Variants in PTPRD observed in about 807,000 individuals in gnomAD.
The protein encoded by PTPRD is receptor-type tyrosine-protein phosphatase delta.
Under a neutral mutation model 214.5 loss-of-function variants are expected in PTPRD, and 34 were observed. The ratio of observed to expected loss-of-function variants is 0.16; its 90% CI spans 0.12 to 0.21. The LOEUF (loss-of-function observed/expected upper bound fraction) is 0.21. Among genes scored for constraint, PTPRD ranks in the 10% least tolerant of loss-of-function variants. PTPRD has a pLI of 1.00. For synonymous variants in PTPRD, 1,128 were observed against 845.7 expected, an observed-to-expected ratio of 1.33 and a Z score of -5.79; for missense variants, 2,545 against 2,398.7, an observed-to-expected ratio of 1.06 and a Z score of -1.27.
rs941961972 is a variant in PTPRD at position 10,094,343 on chromosome 9, A to T, written c.-544-60553T>A. On this transcript the variant is annotated intron_variant, in intron 3 of 45. Coordinates refer to ENST00000381196, the MANE Select transcript of PTPRD (RefSeq NM_002839.4). ...GTCACTGGATGTTGAATGAGAAGAG[A>T]ATGTCCTTAATATAAATTTGACATG... Among the ~76,000 whole-genome samples the T allele has an allele frequency of 2.0e-5, 3 of 151,292 alleles. No individual in the cohort carries two copies. The South Asian group carries it at 6.2e-4, about 31-fold the overall frequency.
chr9:8,855,553 G>C (rs960692916), intron 11 of PTPRD, among the ~76,000 whole-genome samples: 2 of 152,116 alleles, frequency 1.3e-5, no homozygotes, highest in African/African-American at 4.8e-5. Context: ...ATATTTGAGA[G>C]AGACAGTGTT....
chr9:10,547,089 T>C (rs1381613821), intron 2 of PTPRD, among the ~76,000 whole-genome samples: 1 of 152,076 alleles, frequency 6.6e-6, no homozygotes, highest in Non-Finnish European at 1.5e-5. Context: ...AAGTGTAGGC[T>C]AACAAATAAA....
At chr9:9,616,998 C>G (rs75627289) in intron 7 of PTPRD, among the ~76,000 whole-genome samples, 2,363 of 152,116 alleles carry the variant, frequency 0.016, 64 homozygotes, top group African/African-American at 0.054. Flanking sequence ...AAATTCCTTC[C>G]TGTATAAAGC....
chr9:9,475,380 G>A (rs533902596), intron 8 of PTPRD, among the ~76,000 whole-genome samples: 13 of 152,208 alleles, frequency 8.5e-5, no homozygotes, highest in Admixed American at 3.3e-4. Flanking sequence ...TAACCCTATG[G>A]CACTAACAGC....
chr9:10,049,398 T>TAA (rs754430055), intron 3 of PTPRD, among the ~76,000 whole-genome samples: 1 of 68,190 alleles, frequency 1.5e-5, no homozygotes, highest in South Asian at 5.3e-4. Context: ...CTTCTCTGGT[T>TAA]AAAAAAAAAA....
intron 10 of PTPRD, among the ~76,000 whole-genome samples, chr9:9,129,417 T>A (rs370640727): frequency 6.6e-6 from 1 of 151,992 alleles, no homozygotes; most frequent in African/African-American, 2.4e-5. Flanking sequence ...GAGAATTAAA[T>A]ATTCGATTCG....
chr9:10,482,215 C>CA lies in PTPRD; in HGVS notation c.-600+130182dup, dbSNP rs1044761096. Reference sequence around the variant, plus strand: ...TGAAACCCCATCTCTACTAAAAATACAAAAAATTAGCCGGGCGTGGTGGCG... The same window carrying CA: ...TGAAACCCCATCTCTACTAAAAATACAAAAAAATTAGCCGGGCGTGGTGGCG... On this transcript the variant is annotated intron_variant, in intron 2 of 45. Coordinates refer to ENST00000381196, the MANE Select transcript of PTPRD (RefSeq NM_002839.4). Among the ~76,000 whole-genome samples the CA allele has an allele frequency of 1.3e-4, 20 of 151,644 alleles. No homozygotes were observed. The East Asian group carries it at 1.8e-3, about 13-fold the overall frequency.
At position 10,049,802 on chromosome 9, in the gene PTPRD, T is replaced by C. The variant is rs560918218; in HGVS notation, c.-544-16012A>G. Among the ~76,000 whole-genome samples, 8 of 152,300 alleles carry C rather than the reference T, an allele frequency of 5.3e-5. No homozygotes were observed. The South Asian group carries it at 1.5e-3, about 28-fold the overall frequency. On this transcript the variant is annotated intron_variant, in intron 3 of 45. Coordinates refer to ENST00000381196, the MANE Select transcript of PTPRD (RefSeq NM_002839.4). ...CAACTTCATGCTTGATGAGTAGAAA[T>C]GCTTGTAGGCCAAGTCCTTGTACTT...
At chr9:10,081,735 A>G (rs2098241484) in intron 3 of PTPRD, among the ~76,000 whole-genome samples, 1 of 152,124 alleles carries the variant, frequency 6.6e-6, no homozygotes, top group African/African-American at 2.4e-5. Flanking sequence ...TATTTTTGAT[A>G]TAAGGAAATA....
At chr9:9,789,770 C>G (rs1475450155) in intron 5 of PTPRD, among the ~76,000 whole-genome samples, 2 of 128,440 alleles carry the variant, frequency 1.6e-5, no homozygotes, top group Non-Finnish European at 3.1e-5. Flanking sequence ...GCACTCCAGC[C>G]TGGGCAACAG....
chr9:9,518,283 T>C (rs971527389), intron 8 of PTPRD, among the ~76,000 whole-genome samples: 2 of 152,100 alleles, frequency 1.3e-5, no homozygotes, highest in African/African-American at 2.4e-5. Context: ...AACTTTATCC[T>C]TAACATGATG....
At chr9:8,461,972 T>C (rs190892100) in intron 32 of PTPRD, among the ~76,000 whole-genome samples, 7 of 152,032 alleles carry the variant, frequency 4.6e-5, no homozygotes, top group Admixed American at 4.6e-4. Flanking sequence ...TCTTAAGTTC[T>C]ATTCTCTACT....
intron 3 of PTPRD, among the ~76,000 whole-genome samples, chr9:10,053,147 C>G (rs1775537672): frequency 6.6e-6 from 1 of 152,034 alleles, no homozygotes; most frequent in Non-Finnish European, 1.5e-5. Flanking sequence ...ACATGAAATT[C>G]CAGAAAGATT....
At chr9:10,162,470 A>T (rs2099133055) in intron 3 of PTPRD, among the ~76,000 whole-genome samples, 1 of 150,812 alleles carries the variant, frequency 6.6e-6, no homozygotes, top group South Asian at 2.1e-4. Flanking sequence ...ACATATTCTC[A>T]CTCCTATGTG....
intron 12 of PTPRD, among the ~76,000 whole-genome samples, chr9:8,639,598 T>C (rs1014522263): frequency 6.6e-6 from 1 of 152,230 alleles, no homozygotes; most frequent in Non-Finnish European, 1.5e-5. Context: ...GGATACCCTT[T>C]TCCCTGCATC....
At chr9:10,181,661 C>T (rs140452192) in intron 3 of PTPRD, among the ~76,000 whole-genome samples, 212 of 151,712 alleles carry the variant, frequency 1.4e-3, no homozygotes, top group African/African-American at 4.7e-3. Flanking sequence ...TATCATTGTA[C>T]TTCTGCAGTT....
intron 14 of PTPRD, among the ~76,000 whole-genome samples, chr9:8,624,713 G>C (rs2095955897): frequency 6.6e-6 from 1 of 151,802 alleles, no homozygotes; most frequent in Non-Finnish European, 1.5e-5. Context: ...TCAGACTTGA[G>C]TAATGTGTCT....
At chr9:8,441,842 G>A (rs1369808946) in intron 34 of PTPRD, among the ~76,000 whole-genome samples, 1 of 152,100 alleles carries the variant, frequency 6.6e-6, no homozygotes, top group African/African-American at 2.4e-5. Flanking sequence ...GCTACATGAG[G>A]AATCTGATCC....
intron 34 of PTPRD, among the ~76,000 whole-genome samples, chr9:8,441,368 G>C (rs1423302419): frequency 6.6e-6 from 1 of 152,092 alleles, no homozygotes; most frequent in Non-Finnish European, 1.5e-5. Flanking sequence ...GCTCTGCCAA[G>C]TGGGAATGCA....
Sources: gnomAD v4.1 joint callset for allele counts (sites outside exome capture counted in the v4.1 genomes callset) on GRCh38, gnomAD v4.1.1 for gene constraint, MANE v1.5 for transcripts, NCBI Gene and HGNC (gene_info 2026-07-23, HGNC 2026-07-21) for gene names.